The following TBX4 variants were observed in gnomAD, a reference collection of about 807,000 sequenced individuals.
TBX4 encodes the protein T-box transcription factor 4, also known as T-box transcription factor TBX4.
TBX4 carries 13 observed loss-of-function variants against 54.6 expected under a neutral mutation model. The ratio of observed to expected loss-of-function variants is 0.24; its 90% CI spans 0.15 to 0.38. The LOEUF (loss-of-function observed/expected upper bound fraction) is 0.38. Among genes scored for constraint, TBX4 ranks in the 10% least tolerant of loss-of-function variants. TBX4 has a pLI of 1.00. For synonymous variants in TBX4, 314 were observed against 306.7 expected, an observed-to-expected ratio of 1.02 and a Z score of -0.25; for missense variants, 631 against 728.5, an observed-to-expected ratio of 0.87 and a Z score of 1.54.
chr17:61,455,809 A>G (rs1439340538), intron 1 of TBX4, among the ~76,000 whole-genome samples: 2 of 152,078 alleles, frequency 1.3e-5, no homozygotes, highest in African/African-American at 4.8e-5. Context: ...GGCTGGTGGG[A>G]TGCTGTGTGA....
rs5821328 is a variant in TBX4, at chr17:61,472,789, A to ATT, written c.549+5145_549+5146dup. ...GGCATTGATTTGAGGTGTGAATCCA[A>ATT]TTTTTTTTTTTTTTCTACAGAGCTA... On this transcript the variant is annotated intron_variant, in intron 5 of 8. Transcript: ENST00000644296. The surrounding 1 kb of genome is among the most constrained non-coding windows in gnomAD (Gnocchi z 4.5). 4.8e-4 allele frequency among the ~76,000 whole-genome samples: 69 copies of ATT among 144,922 alleles called. No individual in the cohort carries two copies. The highest frequency in any genetic ancestry group is 6.6e-4 in the South Asian group (3 of 4,554).
At chr17:61,453,669 G>A (rs1055807669) in intron 1 of TBX4, among the ~76,000 whole-genome samples, 3 of 152,154 alleles carry the variant, frequency 2.0e-5, no homozygotes, top group Admixed American at 6.5e-5. Flanking sequence ...ATAACAAGAA[G>A]TAATGATGTG....
Position 61,472,739 on chromosome 17 carries a change from C to T in TBX4, c.549+5082C>T, listed in dbSNP as rs912492293. Among the ~76,000 whole-genome samples, 1 of 151,596 alleles carries T rather than the reference C, an allele frequency of 6.6e-6. No homozygotes were observed. The highest frequency in any genetic ancestry group is 1.5e-5 in the Non-Finnish European group (1 of 67,944). On this transcript the variant is annotated intron_variant, in intron 5 of 8. Coordinates refer to ENST00000644296, the MANE Select transcript of TBX4 (RefSeq NM_001321120.2). The surrounding 1 kb of genome is among the most constrained non-coding windows in gnomAD (Gnocchi z 4.5). Reference sequence around the variant, plus strand: ...TATGGATTTATTTTTACATTTAAACCATTGATCCTTTTGAAATTTATCCTG... The same window carrying T: ...TATGGATTTATTTTTACATTTAAACTATTGATCCTTTTGAAATTTATCCTG...
chr17:61,459,160 G>A lies in TBX4; in HGVS notation c.281+1529G>A, dbSNP rs1447824467. 6.6e-6 allele frequency among the ~76,000 whole-genome samples: 1 copy of A among 152,254 alleles called. No homozygotes were observed. Among genetic ancestry groups the A allele is most frequent in the East Asian group, 1.9e-4 (1 of 5,204 alleles). ...GGGCTGGCAGAGGGTGCGACATGGAGCAGGCATTGAGGACAGTGGAAGCCA... is the reference window on the plus strand; with the variant it reads ...GGGCTGGCAGAGGGTGCGACATGGAACAGGCATTGAGGACAGTGGAAGCCA... On this transcript the variant is annotated intron_variant, in intron 3 of 8. Transcript: ENST00000644296. This position sits in a 1 kb window ranked among gnomAD's most constrained non-coding sequence, Gnocchi z 4.8.
At chr17:61,453,111 A>G in intron 1 of TBX4, 1 of 584,100 alleles carries the variant, frequency 1.7e-6, no homozygotes, top group Non-Finnish European at 2.2e-6. Context: ...AACAATTACC[A>G]AAGAAAGGGC....
Position 61,475,063 on chromosome 17 carries a change from C to T in TBX4, c.550-3564C>T, listed in dbSNP as rs188543261. Reference sequence around the variant, plus strand: ...ACAGAGATCATGACGGCGTCTGCACCCTTCTTGACTTCTCTATGACCGGGG... The same window carrying T: ...ACAGAGATCATGACGGCGTCTGCACTCTTCTTGACTTCTCTATGACCGGGG... On this transcript the variant is annotated intron_variant, in intron 5 of 8. Coordinates refer to ENST00000644296, the MANE Select transcript of TBX4 (RefSeq NM_001321120.2). The surrounding 1 kb of genome is among the most constrained non-coding windows in gnomAD (Gnocchi z 5.0). Among the ~76,000 whole-genome samples, 13 of 152,342 alleles carry T rather than the reference C, an allele frequency of 8.5e-5. 1 individual carries two copies. In the East Asian group the frequency reaches 2.5e-3, roughly 29 times the overall value.
chr17:61,460,563 C>T lies in TBX4; in HGVS notation c.281+2932C>T, dbSNP rs890780589. On this transcript the variant is annotated intron_variant, in intron 3 of 8. Transcript: ENST00000644296. This position sits in a 1 kb window ranked among gnomAD's most constrained non-coding sequence, Gnocchi z 4.4. ...CTCCATGTCAGGTGTGAAATGGGGG[C>T]CACAGCCCTCCGCAGCCCGTCTCAG... 1.3e-5 allele frequency among the ~76,000 whole-genome samples: 2 copies of T among 152,070 alleles called. No homozygotes were observed. Among genetic ancestry groups the T allele is most frequent in the African/African-American group, 2.4e-5 (1 of 41,402 alleles).
At position 61,456,824 on chromosome 17, in the gene TBX4, T is replaced by C. The variant is rs897351295; in HGVS notation, c.186+148T>C. On this transcript the variant is annotated intron_variant, in intron 2 of 8. Coordinates refer to ENST00000644296, the MANE Select transcript of TBX4 (RefSeq NM_001321120.2). ...GACGGTCTGCCCGTTCGTTCTCCAC[T>C]GGACATGGCTCGCTTTCTCTGCCTT... 2.9e-5 allele frequency: 16 copies of C among 556,082 alleles called. No homozygotes were observed. In the African/African-American group the frequency reaches 3.0e-4, roughly 10 times the overall value. 34.4% of individuals were successfully genotyped at this position (556,082 alleles called of 1,614,324 possible). A position where few individuals can be genotyped will look rare whatever the true frequency, so the allele number is the denominator to read the frequency against.
rs1287397746 is a variant in TBX4 at position 61,465,725 on chromosome 17, C to T, written c.282-94C>T. The T allele has an allele frequency of 5.2e-6, 8 of 1,534,146 alleles. No individual in the cohort carries two copies. In the Admixed American group the frequency reaches 1.3e-4, roughly 26 times the overall value. On this transcript the variant is annotated intron_variant, in intron 3 of 8. Coordinates refer to ENST00000644296, the MANE Select transcript of TBX4 (RefSeq NM_001321120.2). The surrounding 1 kb of genome is among the most constrained non-coding windows in gnomAD (Gnocchi z 4.9). ...CCAGGATCGCTGGCCAAAAGGGCAG[C>T]ATCTGTTAGCGGCCTTCTGCCCCCT...
rs2060591269 is a variant in TBX4, at chr17:61,472,897, A to G, written c.549+5240A>G. On this transcript the variant is annotated intron_variant, in intron 5 of 8. Transcript: ENST00000644296. This position sits in a 1 kb window ranked among gnomAD's most constrained non-coding sequence, Gnocchi z 4.5. ...CCTTATTTCTGAACACTAAATCCCT[A>G]TATGAATGTGTGCCTGTTCACACGC... Among the ~76,000 whole-genome samples, 1 of 151,746 alleles carries G rather than the reference A, an allele frequency of 6.6e-6. No individual in the cohort carries two copies. The highest frequency in any genetic ancestry group is 6.6e-5 in the Admixed American group (1 of 15,236).
In TBX4 at chr17:61,474,428, C is replaced by G. The variant is rs578097989; in HGVS notation, c.550-4199C>G. Among the ~76,000 whole-genome samples the G allele has an allele frequency of 6.6e-6, 1 of 152,308 alleles. No homozygotes were observed. Among genetic ancestry groups the G allele is most frequent in the South Asian group, 2.1e-4 (1 of 4,824 alleles). ...TCCTGGGCGAGTCACGTCTCCACTA[C>G]CAGCATTCTGTTCCTCATCTGTAAA... is the stretch of plus-strand genomic sequence containing the variant. On this transcript the variant is annotated intron_variant, in intron 5 of 8. Transcript: ENST00000644296. This position sits in a 1 kb window ranked among gnomAD's most constrained non-coding sequence, Gnocchi z 4.6.
Position 61,482,880 on chromosome 17 carries a change from GTTACT to G in TBX4, c.1022-14_1022-10del. ...CTGGTGGAAATGGTTCTTCCTGAATGTTACTTTGTCTTTCAGCAGACGGTACCCGC... is the reference window on the plus strand; with the variant it reads ...CTGGTGGAAATGGTTCTTCCTGAATGTTGTCTTTCAGCAGACGGTACCCGC... On this transcript the variant is annotated splice_polypyrimidine_tract_variant and intron_variant, in intron 8 of 8. Transcript: ENST00000644296. 1 of 1,612,550 alleles carries G rather than the reference GTTACT, an allele frequency of 6.2e-7. No individual in the cohort carries two copies. Among genetic ancestry groups the G allele is most frequent in the Non-Finnish European group, 8.5e-7 (1 of 1,179,758 alleles).
intron 5 of TBX4, 117 bp downstream of exon 5, chr17:61,467,774 C>A (rs1010537898): frequency 7.4e-7 from 1 of 1,343,940 alleles, no homozygotes; most frequent in Non-Finnish European, 1.0e-6. Flanking sequence ...GGCTTTGGCG[C>A]TCACTGACCA....
At position 61,478,389 on chromosome 17, in the gene TBX4, G is replaced by A; in HGVS notation, c.550-238G>A. On this transcript the variant is annotated intron_variant, in intron 5 of 8. Transcript: ENST00000644296. The surrounding 1 kb of genome is among the most constrained non-coding windows in gnomAD (Gnocchi z 7.4). Reference sequence around the variant, plus strand: ...GTGAATCAACTGGTCACATCAAGGAGGGCCTGGAGCTGGGCATTAGTGCTG... The same window carrying A: ...GTGAATCAACTGGTCACATCAAGGAAGGCCTGGAGCTGGGCATTAGTGCTG... The A allele has an allele frequency of 1.7e-6, 1 of 583,334 alleles. No homozygotes were observed. The highest frequency in any genetic ancestry group is 3.0e-6 in the Non-Finnish European group (1 of 328,980). The allele number at this position is 583,334 out of a possible 1,614,324, so 36.1% of individuals were successfully genotyped here.
Position 61,474,029 on chromosome 17 carries a change from C to A in TBX4, c.550-4598C>A, listed in dbSNP as rs1316746367. Among the ~76,000 whole-genome samples, 2 of 152,128 alleles carry A rather than the reference C, an allele frequency of 1.3e-5. No individual in the cohort carries two copies. The highest frequency in any genetic ancestry group is 1.3e-4 in the Admixed American group (2 of 15,280). Reference sequence around the variant, plus strand: ...TAGTTTGAATTTTCCTTGGATGCACCTCTTATCATCCGGGGTCTCAGTTTT... The same window carrying A: ...TAGTTTGAATTTTCCTTGGATGCACATCTTATCATCCGGGGTCTCAGTTTT... On this transcript the variant is annotated intron_variant, in intron 5 of 8. Coordinates refer to ENST00000644296, the MANE Select transcript of TBX4 (RefSeq NM_001321120.2). The surrounding 1 kb of genome is among the most constrained non-coding windows in gnomAD (Gnocchi z 4.6).
In TBX4 at chr17:61,478,718, T is replaced by C; in HGVS notation, c.641T>C (p.Phe214Ser). 1.9e-6 allele frequency: 3 copies of C among 1,614,190 alleles called. No individual in the cohort carries two copies. Among genetic ancestry groups the C allele is most frequent in the Non-Finnish European group, 2.5e-6 (3 of 1,180,040 alleles). Residue 214 changes from phenylalanine to serine, a missense_variant, in exon 6 of 9, where the codon TTC becomes TCC. Transcript: ENST00000644296. The surrounding 1 kb of genome is among the most constrained non-coding windows in gnomAD (Gnocchi z 7.4). Reference protein sequence around the residue: ...NNAFGSKNTAFCTHVFPETSF... With the variant: ...NNAFGSKNTASCTHVFPETSF... ...GCTTTCGGCTCCAAAAACACTGCTT[T>C]CTGCACCCACGTGTTCCCAGAGACC... is the stretch of plus-strand genomic sequence containing the variant.
rs2060588410 is a variant in TBX4 at position 61,472,601 on chromosome 17, C to T, written c.549+4944C>T. ...GGTTTTGCCTGTAGTGATATTCCCA[C>T]ACCGATGCTTTTGATTGAATTGACC... On this transcript the variant is annotated intron_variant, in intron 5 of 8. Transcript: ENST00000644296. The surrounding 1 kb of genome is among the most constrained non-coding windows in gnomAD (Gnocchi z 4.5). 6.6e-6 allele frequency among the ~76,000 whole-genome samples: 1 copy of T among 152,208 alleles called. No homozygotes were observed. The highest frequency in any genetic ancestry group is 6.5e-5 in the Admixed American group (1 of 15,280).
Position 61,483,287 on chromosome 17 carries a change from A to G in TBX4, c.1412A>G (p.His471Arg), listed in dbSNP as rs75619997. The G allele has an allele frequency of 6.2e-7, 1 of 1,613,858 alleles. No homozygotes were observed. The highest frequency in any genetic ancestry group is 2.2e-5 in the East Asian group (1 of 44,866). The change falls in exon 9 of 9, where the codon CAC becomes CGC. Residue 471 changes from histidine (H) to arginine (R), a missense_variant. Physicochemically the swap from His to Arg is conservative, Grantham distance 29. Transcript: ENST00000644296. The surrounding 1 kb of genome is among the most constrained non-coding windows in gnomAD (Gnocchi z 6.6). ...AQSSQPPGNA[H>R]FSVYNQLSQS... ...AGCTCCCAGCCACCAGGAAATGCCC[A>G]CTTTAGTGTCTACAATCAGCTCTCC...
At position 61,474,820 on chromosome 17, in the gene TBX4, A is replaced by G. The variant is rs1246450301; in HGVS notation, c.550-3807A>G. 6.6e-6 allele frequency among the ~76,000 whole-genome samples: 1 copy of G among 152,152 alleles called. No individual in the cohort carries two copies. Among genetic ancestry groups the G allele is most frequent in the Non-Finnish European group, 1.5e-5 (1 of 68,030 alleles). ...GCAAAGCCAGGTGTGTGAGTCACTG[A>G]GTTGGTTTCACATTCTCCCGGCTGA... On this transcript the variant is annotated intron_variant, in intron 5 of 8. Transcript: ENST00000644296. The surrounding 1 kb of genome is among the most constrained non-coding windows in gnomAD (Gnocchi z 4.6).
Sources: allele counts gnomAD v4.1 joint callset (sites outside exome capture counted in the v4.1 genomes callset), GRCh38; gene constraint gnomAD v4.1.1; non-coding constraint Gnocchi (gnomAD v3.1); transcripts MANE v1.5; gene names NCBI Gene and HGNC (gene_info 2026-07-23, HGNC 2026-07-21).